FGFR1: variants seen among roughly 807,000 people sequenced by gnomAD.
FGFR1 encodes FGFR1/PLAG1 fusion.
FGFR1 carries 18 observed loss-of-function variants against 93.7 expected under a neutral mutation model. That is an observed-to-expected ratio of 0.19 (90% CI 0.13 to 0.28). The LOEUF is 0.28. FGFR1 is among the 10% of genes least tolerant of loss of function. The probability of loss-of-function intolerance (pLI) is 1.00; values close to 1 mark genes in which losing one functional copy is unlikely to be tolerated. For synonymous variants in FGFR1, 448 were observed against 429.3 expected (o/e 1.04, Z -0.54); for missense variants, 731 against 1,080.4 (o/e 0.68, Z 4.53).
At chr8:38,441,884 T>C (rs1182515982) in intron 2 of FGFR1, among the ~76,000 whole-genome samples, 4 of 152,170 alleles carry the variant, frequency 2.6e-5, no homozygotes, top group Non-Finnish European at 5.9e-5. Flanking sequence ...CCATCCCCAA[T>C]GAAGACTGAA....
Position 38,468,252 on chromosome 8 carries a change from G to GC in FGFR1, c.-361dup, listed in dbSNP as rs1330587541. The GC allele has an allele frequency of 1.7e-5, 4 of 228,628 alleles. No individual in the cohort carries two copies. The highest frequency in any genetic ancestry group is 1.1e-4 in the Admixed American group (2 of 17,600). 14.2% of individuals were successfully genotyped at this position (228,628 alleles called of 1,614,324 possible). A position where few individuals can be genotyped will look rare whatever the true frequency, so the allele number is the denominator to read the frequency against. The stretch of plus-strand genomic sequence containing the variant: ...GCCACCCGGGGTCTCCAGACCTTGT[G>GC]CCCCCCTCCTCCAGAACGCAGCGGC... On this transcript the variant is annotated 5_prime_UTR_variant, in exon 1 of 18. Transcript: ENST00000447712.
intron 6 of FGFR1, among the ~76,000 whole-genome samples, chr8:38,425,112 C>T (rs992373710): frequency 9.2e-5 from 14 of 151,946 alleles, no homozygotes; most frequent in Non-Finnish European, 1.6e-4. Flanking sequence ...TCAGATCTTA[C>T]CCCAACCTCT....
rs2150868056 is a variant in FGFR1, at chr8:38,426,271, A to G, written c.622-26T>C. 2 of 1,613,732 alleles carry G rather than the reference A, an allele frequency of 1.2e-6. No homozygotes were observed. The highest frequency in any genetic ancestry group is 1.7e-5 in the Admixed American group (1 of 60,026). ...CTGAGGGGAAATGCCAAAGGGATAC[A>G]TTGAGGGTCCAGAGGAAAATGCAGG... On this transcript the variant is annotated intron_variant, in intron 5 of 17. Transcript: ENST00000447712. The surrounding 1 kb of genome is among the most constrained non-coding windows in gnomAD (Gnocchi z 4.1).
chr8:38,446,205 CTTTTTTTT>C (rs773129271), intron 2 of FGFR1, among the ~76,000 whole-genome samples: 2 of 127,776 alleles, frequency 1.6e-5, no homozygotes, highest in African/African-American at 5.9e-5. Flanking sequence ...CCTCTCCCAC[CTTTTTTTT>C]TTTTTTTTTT....
intron 10 of FGFR1, 28 bp downstream of exon 10, chr8:38,418,199 CA>C (rs1817420332): frequency 1.1e-5 from 17 of 1,614,150 alleles, no homozygotes; most frequent in Non-Finnish European, 1.4e-5. Flanking sequence ...GGAATGCCTT[CA>C]AAAAGTTGGG....
intron 2 of FGFR1, chr8:38,434,699 T>G (rs1007222203): frequency 2.4e-5 from 4 of 167,966 alleles, no homozygotes; most frequent in East Asian, 1.7e-4. Flanking sequence ...TGGTGAATGG[T>G]CACCTCCAGC....
At chr8:38,447,203 G>A (rs1014155737) in intron 2 of FGFR1, among the ~76,000 whole-genome samples, 5 of 151,746 alleles carry the variant, frequency 3.3e-5, no homozygotes, top group Admixed American at 6.6e-5. Context: ...AGGGGACTGA[G>A]CCAGCAATGT....
chr8:38,454,652 A>T (rs986131166), intron 2 of FGFR1, among the ~76,000 whole-genome samples: 6 of 152,230 alleles, frequency 3.9e-5, no homozygotes, highest in African/African-American at 1.4e-4. Context: ...TTCTGGCAGC[A>T]GCAGTGGCAG....
intron 1 of FGFR1, among the ~76,000 whole-genome samples, chr8:38,460,601 T>A (rs1044244917): frequency 8.5e-5 from 13 of 152,198 alleles, no homozygotes. Context: ...AGCTTCCCTC[T>A]TGTTCTTTCC....
rs1483382491 is a variant in FGFR1, at chr8:38,413,764, G to A, written c.2333C>T (p.Pro778Leu). 1.2e-6 allele frequency: 2 copies of A among 1,614,014 alleles called. No homozygotes were observed. The highest frequency in any genetic ancestry group is 1.7e-6 in the Non-Finnish European group (2 of 1,180,012). ...DLSMPLDQYS[P>L]SFPDTRSSTC... ...AGAGCTCCGGGTGTCGGGAAAGCTGGGGGAGTACTGGTCCAGGGGCATGGA... is the reference window on the plus strand; with the variant it reads ...AGAGCTCCGGGTGTCGGGAAAGCTGAGGGAGTACTGGTCCAGGGGCATGGA... The change falls in exon 18 of 18, where the codon CCC becomes CTC. Residue 778 changes from proline (P) to leucine (L), a missense_variant. Pro to Leu is a moderately conservative substitution (Grantham distance 98). Coordinates refer to ENST00000447712, the MANE Select transcript of FGFR1 (RefSeq NM_023110.3). The surrounding 1 kb of genome is among the most constrained non-coding windows in gnomAD (Gnocchi z 4.2).
Position 38,424,833 on chromosome 8 carries a change from C to T in FGFR1, c.746-134G>A, listed in dbSNP as rs1820158430. 3.5e-6 allele frequency: 3 copies of T among 863,472 alleles called. No homozygotes were observed. Among genetic ancestry groups the T allele is most frequent in the South Asian group, 1.7e-5 (1 of 57,836 alleles). The allele number at this position is 863,472 out of a possible 1,614,324, so 53.5% of individuals were successfully genotyped here. A position where few individuals can be genotyped will look rare whatever the true frequency, so the allele number is the denominator to read the frequency against. On this transcript the variant is annotated intron_variant, in intron 6 of 17. Coordinates refer to ENST00000447712, the MANE Select transcript of FGFR1 (RefSeq NM_023110.3). The surrounding 1 kb of genome is among the most constrained non-coding windows in gnomAD (Gnocchi z 4.3). The stretch of plus-strand genomic sequence containing the variant: ...TCCCAGCACTTCTGCTGAGCCCAAG[C>T]CTCTCAAAACAGAGCTGGGGAAAGG...
intron 15 of FGFR1, 29 bp downstream of exon 15, chr8:38,414,530 C>G (rs747905682): frequency 1.9e-6 from 3 of 1,612,866 alleles, no homozygotes; most frequent in Non-Finnish European, 2.5e-6. Context: ...TATCCCACAC[C>G]TCCCTGGCAA....
intron 2 of FGFR1, 48 bp downstream of exon 2, chr8:38,457,308 C>T (rs2151338292): frequency 6.9e-6 from 11 of 1,601,088 alleles, no homozygotes; most frequent in Non-Finnish European, 9.4e-6. Context: ...CCAGCCCATC[C>T]TGTTCCCAAG....
Position 38,414,925 on chromosome 8 carries a change from G to A in FGFR1, c.1855-24C>T, listed in dbSNP as rs375014194. ...CACTGAGGAAGGAGGAAGGGAGAGC[G>A]GGAGGCGGGGAGGTGAGGGAGCTGG... On this transcript the variant is annotated intron_variant, in intron 13 of 17. Coordinates refer to ENST00000447712, the MANE Select transcript of FGFR1 (RefSeq NM_023110.3). The A allele has an allele frequency of 1.2e-3, 1,955 of 1,602,776 alleles. 39 individuals carry two copies. The South Asian group carries it at 0.02, about 16-fold the overall frequency.
At chr8:38,457,151 C>T (rs1381340247) in intron 2 of FGFR1, among the ~76,000 whole-genome samples, 1 of 152,232 alleles carries the variant, frequency 6.6e-6, no homozygotes, top group African/African-American at 2.4e-5. Flanking sequence ...TGACCCCAAC[C>T]TCTGATGAAG....
chr8:38,461,397 C>A, intron 1 of FGFR1: 1 of 442,616 alleles, frequency 2.3e-6, no homozygotes, highest in Non-Finnish European at 4.0e-6. Flanking sequence ...TGCAGTGGCA[C>A]GATCTCAACT....
rs999297539 is a variant in FGFR1, at chr8:38,411,777, A to G, written c.*1851T>C. Reference sequence around the variant, plus strand: ...AAATTCCAAGCAGCCAAAAAACCAAAAACATTCGGAGAATTTTCCCCCCGT... The same window carrying G: ...AAATTCCAAGCAGCCAAAAAACCAAGAACATTCGGAGAATTTTCCCCCCGT... On this transcript the variant is annotated 3_prime_UTR_variant, in exon 18 of 18. Transcript: ENST00000447712. 2 of 230,870 alleles carry G rather than the reference A, an allele frequency of 8.7e-6. No individual in the cohort carries two copies. Among genetic ancestry groups the G allele is most frequent in the African/African-American group, 4.4e-5 (2 of 45,166 alleles). 14.3% of individuals were successfully genotyped at this position (230,870 alleles called of 1,614,324 possible).
At position 38,424,415 on chromosome 8, in the gene FGFR1, G is replaced by C; in HGVS notation, c.936+94C>G. 1 of 1,359,054 alleles carries C rather than the reference G, an allele frequency of 7.4e-7. No homozygotes were observed. The highest frequency in any genetic ancestry group is 1.1e-6 in the Non-Finnish European group (1 of 950,352). The allele number at this position is 1,359,054 out of a possible 1,614,324, so 84.2% of individuals were successfully genotyped here. A position where few individuals can be genotyped will look rare whatever the true frequency, so the allele number is the denominator to read the frequency against. ...TGAAGCGTGAGGAATGATCCCATTCGGGGGCAACTGAGCCTGCCCACAGGA... is the reference window on the plus strand; with the variant it reads ...TGAAGCGTGAGGAATGATCCCATTCCGGGGCAACTGAGCCTGCCCACAGGA... On this transcript the variant is annotated intron_variant, in intron 7 of 17. Transcript: ENST00000447712. The surrounding 1 kb of genome is among the most constrained non-coding windows in gnomAD (Gnocchi z 4.3).
At chr8:38,446,937 C>T (rs952111925) in intron 2 of FGFR1, among the ~76,000 whole-genome samples, 1 of 152,100 alleles carries the variant, frequency 6.6e-6, no homozygotes, top group Non-Finnish European at 1.5e-5. Context: ...GGAACCTTCT[C>T]CATGTAGGTC....
Sources: gnomAD v4.1 joint callset for allele counts (sites outside exome capture counted in the v4.1 genomes callset) on GRCh38, gnomAD v4.1.1 for gene constraint, Gnocchi (gnomAD v3.1) non-coding constraint, MANE v1.5 for transcripts, NCBI Gene and HGNC (gene_info 2026-07-23, HGNC 2026-07-21) for gene names.